DAPK2: variants seen among roughly 807,000 people sequenced by gnomAD.
DAPK2 encodes the protein death-associated protein kinase 2.
In DAPK2, 35 loss-of-function variants were observed where a neutral mutation model predicts 44.1. The ratio of observed to expected loss-of-function variants is 0.79; its 90% CI spans 0.61 to 1.05. The LOEUF (loss-of-function observed/expected upper bound fraction) is 1.05, where lower values mean the gene tolerates loss of function less well. Among genes scored for constraint, DAPK2 ranks in the 50% least tolerant of loss-of-function variants. The probability of loss-of-function intolerance (pLI) is 0.00; values close to 1 mark genes in which losing one functional copy is unlikely to be tolerated. For synonymous variants in DAPK2, 174 were observed against 182.6 expected (o/e 0.95, Z 0.38); for missense variants, 453 against 483.2 (o/e 0.94, Z 0.59).
At chr15:63,944,490 A>G (rs1015256625) in intron 3 of DAPK2, among the ~76,000 whole-genome samples, 11 of 152,208 alleles carry the variant, frequency 7.2e-5, no homozygotes, top group Non-Finnish European at 1.5e-4. Flanking sequence ...GCCTGATGAC[A>G]GCCAGGACAG....
At chr15:63,972,044 A>T (rs1219066117) in intron 2 of DAPK2, among the ~76,000 whole-genome samples, 1 of 152,228 alleles carries the variant, frequency 6.6e-6, no homozygotes, top group Non-Finnish European at 1.5e-5. Flanking sequence ...GCCCTTATAA[A>T]AGAGACCCCA....
At position 63,942,077 on chromosome 15, in the gene DAPK2, A is replaced by G. The variant is rs575759924; in HGVS notation, c.454-2716T>C. The G allele has an allele frequency of 1.3e-4, 43 of 336,956 alleles. No homozygotes were observed. The East Asian group carries it at 6.2e-3, about 49-fold the overall frequency. The allele number at this position is 336,956 out of a possible 1,614,324, so 20.9% of individuals were successfully genotyped here. A position where few individuals can be genotyped will look rare whatever the true frequency, so the allele number is the denominator to read the frequency against. ...CTGAGAGCCCAGGACACCATCTCACACCACACGCTGAATGGGGGTGGGAGC... is the reference window on the plus strand; with the variant it reads ...CTGAGAGCCCAGGACACCATCTCACGCCACACGCTGAATGGGGGTGGGAGC... On this transcript the variant is annotated intron_variant, in intron 3 of 10. Coordinates refer to ENST00000261891, the Ensembl canonical transcript of DAPK2.
chr15:63,923,452 A>G lies in DAPK2; in HGVS notation c.858+1364T>C. On this transcript the variant is annotated intron_variant, in intron 8 of 10. Coordinates refer to ENST00000261891, the Ensembl canonical transcript of DAPK2. This position sits in a 1 kb window ranked among gnomAD's most constrained non-coding sequence, Gnocchi z 4.2. Reference sequence around the variant, plus strand: ...ACAAGCGGCCTCTGGCATTCACTGCATGCGTCAGGCCATGGGGAGAACCAG... The same window carrying G: ...ACAAGCGGCCTCTGGCATTCACTGCGTGCGTCAGGCCATGGGGAGAACCAG... 6.8e-7 allele frequency: 1 copy of G among 1,464,912 alleles called. No individual in the cohort carries two copies. 90.7% of individuals were successfully genotyped at this position (1,464,912 alleles called of 1,614,324 possible).
chr15:63,957,937 C>T (rs547600066), intron 3 of DAPK2, among the ~76,000 whole-genome samples: 2 of 152,302 alleles, frequency 1.3e-5, no homozygotes, highest in African/African-American at 4.8e-5. Context: ...GCCACACTGT[C>T]TTCCACAATG....
chr15:63,940,715 TAATA>T (rs569302011), intron 3 of DAPK2, among the ~76,000 whole-genome samples: 1 of 151,408 alleles, frequency 6.6e-6, no homozygotes, highest in African/African-American at 2.4e-5. Flanking sequence ...CTGTCTCAAT[TAATA>T]AATAAATAAA....
chr15:64,038,401 C>G (rs73458762), intron 1 of DAPK2, among the ~76,000 whole-genome samples: 10 of 152,328 alleles, frequency 6.6e-5, no homozygotes, highest in African/African-American at 2.2e-4. Flanking sequence ...CTGGTGCCAC[C>G]AAGGGCAGGA....
At chr15:64,043,644 G>A (rs541357475), upstream of DAPK2, among the ~76,000 whole-genome samples, 1 of 152,304 alleles carries the variant, frequency 6.6e-6, no homozygotes, top group Non-Finnish European at 1.5e-5. Flanking sequence ...CAGCAATGTT[G>A]TTTCCTGATC....
chr15:63,914,336 T>G (rs969566954), intron 8 of DAPK2, among the ~76,000 whole-genome samples: 6 of 152,088 alleles, frequency 3.9e-5, no homozygotes, highest in Admixed American at 2.0e-4. Context: ...CACAGTGCTT[T>G]TGGGCCAAAG....
chr15:64,040,119 G>A, intron 1 of DAPK2, 51 bp downstream of exon 2: 13 of 1,427,396 alleles, frequency 9.1e-6, no homozygotes, highest in Non-Finnish European at 1.3e-5. Context: ...GCCAGAAGAA[G>A]CATGACTTTG....
intron 1 of DAPK2, among the ~76,000 whole-genome samples, chr15:64,034,613 G>A (rs971046493): frequency 6.6e-6 from 1 of 151,690 alleles, no homozygotes; most frequent in Non-Finnish European, 1.5e-5. Context: ...TGGGGGCTAT[G>A]GATAAAGGTT....
At chr15:63,968,802 C>G (rs1004139020) in intron 3 of DAPK2, among the ~76,000 whole-genome samples, 1 of 152,230 alleles carries the variant, frequency 6.6e-6, no homozygotes, top group African/African-American at 2.4e-5. Context: ...GCCATAAAGG[C>G]AAGCCAAACA....
Position 64,027,199 on chromosome 15 carries a change from T to G in DAPK2, c.92+12971A>C, listed in dbSNP as rs145837539. Among the ~76,000 whole-genome samples, 1,162 of 152,254 alleles carry G rather than the reference T, an allele frequency of 7.6e-3. 8 individuals carry two copies. Among genetic ancestry groups the G allele is most frequent in the African/African-American group, 0.02 (839 of 41,532 alleles). On this transcript the variant is annotated intron_variant, in intron 1 of 10. Transcript: ENST00000261891. ...GGAATTCGAGACCAGCCAGCCAACATGGTGAAACCCTGTCTCTACTAAAAA... is the reference window on the plus strand; with the variant it reads ...GGAATTCGAGACCAGCCAGCCAACAGGGTGAAACCCTGTCTCTACTAAAAA...
chr15:64,036,344 T>TATATATAC (rs2080210378), intron 1 of DAPK2, among the ~76,000 whole-genome samples: 1 of 135,090 alleles, frequency 7.4e-6, no homozygotes, highest in African/African-American at 2.6e-5. Context: ...TATACATATA[T>TATATATAC]ATATATATAT....
At chr15:64,029,452 C>A (rs759621959) in intron 1 of DAPK2, among the ~76,000 whole-genome samples, 5 of 152,196 alleles carry the variant, frequency 3.3e-5, no homozygotes, top group Non-Finnish European at 7.4e-5. Flanking sequence ...AGAGCCCTCA[C>A]CCTTGAGGTA....
chr15:63,958,363 TC>T (rs1251613519), intron 3 of DAPK2, among the ~76,000 whole-genome samples: 1 of 152,218 alleles, frequency 6.6e-6, no homozygotes, highest in African/African-American at 2.4e-5. Context: ...TTTAATTAGC[TC>T]CCATTTGTCA....
rs959269243 is a variant in DAPK2, at chr15:63,939,697, G to A, written c.454-336C>T. 6.6e-6 allele frequency among the ~76,000 whole-genome samples: 1 copy of A among 152,158 alleles called. No homozygotes were observed. Among genetic ancestry groups the A allele is most frequent in the Admixed American group, 6.5e-5 (1 of 15,276 alleles). ...TCTGTTTTCCTATCTGTCAAATGGGGCCAATGAGATACTTGCAGCATTTCC... is the reference window on the plus strand; with the variant it reads ...TCTGTTTTCCTATCTGTCAAATGGGACCAATGAGATACTTGCAGCATTTCC... On this transcript the variant is annotated intron_variant, in intron 3 of 10. Coordinates refer to ENST00000261891, the Ensembl canonical transcript of DAPK2. This position sits in a 1 kb window ranked among gnomAD's most constrained non-coding sequence, Gnocchi z 4.3.
intron 3 of DAPK2, among the ~76,000 whole-genome samples, chr15:63,943,883 AC>A: frequency 6.6e-6 from 1 of 152,218 alleles, no homozygotes; most frequent in Admixed American, 6.5e-5. Flanking sequence ...CTCAAAAAAA[AC>A]AAAACAAAAA....
At chr15:63,993,171 C>A (rs1361615926) in intron 1 of DAPK2, among the ~76,000 whole-genome samples, 1 of 152,134 alleles carries the variant, frequency 6.6e-6, no homozygotes, top group Non-Finnish European at 1.5e-5. Context: ...GTGATCTTTC[C>A]CATAATTCAT....
chr15:63,925,717 C>T (rs1053696760), intron 7 of DAPK2, among the ~76,000 whole-genome samples: 14 of 150,140 alleles, frequency 9.3e-5, no homozygotes, highest in African/African-American at 3.5e-4. Context: ...CACACACACA[C>T]ACACATTATT....
Sources: gnomAD v4.1 joint callset for allele counts (sites outside exome capture counted in the v4.1 genomes callset) on GRCh38, gnomAD v4.1.1 for gene constraint, Gnocchi (gnomAD v3.1) non-coding constraint, MANE v1.5 for transcripts, NCBI Gene and HGNC (gene_info 2026-07-23, HGNC 2026-07-21) for gene names.